SCAPER: variants seen among roughly 807,000 people sequenced by gnomAD.
SCAPER encodes S-phase cyclin A associated protein in the ER.
A neutral mutation model predicts 182.2 loss-of-function variants in SCAPER; 98 were observed. That is an observed-to-expected ratio of 0.54 (90% CI 0.46 to 0.64). The LOEUF (loss-of-function observed/expected upper bound fraction) is 0.64. Ranked by LOEUF, SCAPER falls within the 30% of genes least tolerant of loss-of-function variation. The pLI, the probability that SCAPER is intolerant of heterozygous loss-of-function variation, is 0.00. For synonymous variants in SCAPER, 605 were observed against 564.6 expected (o/e 1.07, Z -1.01); for missense variants, 1,432 against 1,690.0 (o/e 0.85, Z 2.68).
chr15:76,540,798 T>A (rs1486419152), intron 23 of SCAPER, among the ~76,000 whole-genome samples: 5 of 152,142 alleles, frequency 3.3e-5, no homozygotes, highest in African/African-American at 9.6e-5. Context: ...AATTATAGTA[T>A]CCTTATGATA....
intron 25 of SCAPER, among the ~76,000 whole-genome samples, chr15:76,438,873 C>T (rs757144971): frequency 2.6e-5 from 4 of 152,112 alleles, no homozygotes; most frequent in Non-Finnish European, 4.4e-5. Flanking sequence ...TCGCTTGGAA[C>T]CTTCGGTAAA....
chr15:76,521,593 A>C (rs1375579006), intron 23 of SCAPER, among the ~76,000 whole-genome samples: 1 of 152,220 alleles, frequency 6.6e-6, no homozygotes, highest in Non-Finnish European at 1.5e-5. Flanking sequence ...TATCACAATA[A>C]TACATAAATG....
intron 5 of SCAPER, among the ~76,000 whole-genome samples, chr15:76,815,324 G>C (rs2066977999): frequency 6.6e-6 from 1 of 152,162 alleles, no homozygotes; most frequent in Non-Finnish European, 1.5e-5. Flanking sequence ...TTTATTTGCA[G>C]CATTATTCAC....
At chr15:76,532,150 G>A (rs1458638562) in intron 23 of SCAPER, among the ~76,000 whole-genome samples, 14 of 152,148 alleles carry the variant, frequency 9.2e-5, no homozygotes, top group Admixed American at 8.5e-4. Context: ...TAATGAACTT[G>A]AGGCTGAATA....
At chr15:76,620,854 G>C (rs1027212964) in intron 22 of SCAPER, among the ~76,000 whole-genome samples, 1 of 152,098 alleles carries the variant, frequency 6.6e-6, no homozygotes, top group Non-Finnish European at 1.5e-5. Context: ...GGCCTGTCGA[G>C]GGGGGACAAG....
intron 15 of SCAPER, among the ~76,000 whole-genome samples, chr15:76,737,539 G>A (rs1055894347): frequency 2.6e-5 from 4 of 152,208 alleles, no homozygotes; most frequent in Non-Finnish European, 4.4e-5. Context: ...TTTCACAATG[G>A]TTAAGGAGCA....
chr15:76,753,988 T>C (rs143096220), intron 14 of SCAPER, 40 bp from the exon 15 acceptor site: 21 of 1,589,600 alleles, frequency 1.3e-5, no homozygotes, highest in Admixed American at 1.0e-4. Flanking sequence ...TTTCAATATA[T>C]ACAATCATTT....
intron 8 of SCAPER, 39 bp from the exon 9 acceptor site, chr15:76,775,156 A>C (rs181673591): frequency 6.6e-7 from 1 of 1,521,460 alleles, no homozygotes; most frequent in East Asian, 2.3e-5. Flanking sequence ...AGATTTATTT[A>C]GATGATAAAA....
chr15:76,473,326 A>G (rs12914005), intron 24 of SCAPER, among the ~76,000 whole-genome samples: 64,790 of 152,108 alleles, frequency 0.43, 16,527 homozygotes, highest in Middle Eastern at 0.58. Flanking sequence ...AAATACCCTG[A>G]TTGTTTATGG....
chr15:76,519,283 T>A (rs2042667107), intron 23 of SCAPER, among the ~76,000 whole-genome samples: 1 of 152,122 alleles, frequency 6.6e-6, no homozygotes, highest in Non-Finnish European at 1.5e-5. Flanking sequence ...AGGCAAGTGA[T>A]CATATAGAAA....
At position 76,533,577 on chromosome 15, in the gene SCAPER, A is replaced by G. The variant is rs114578966; in HGVS notation, c.2839-28603T>C. 1.4e-3 allele frequency among the ~76,000 whole-genome samples: 206 copies of G among 152,138 alleles called. 1 individual carries two copies. Among genetic ancestry groups the G allele is most frequent in the African/African-American group, 4.4e-3 (184 of 41,426 alleles). On this transcript the variant is annotated intron_variant, in intron 23 of 31. Coordinates refer to ENST00000563290, the MANE Select transcript of SCAPER (RefSeq NM_020843.4). ...GTTTGCACAACGATGACGCTGCCTA[A>G]GGACACATTTCTCAGAATGTCTCCC...
intron 24 of SCAPER, chr15:76,498,363 A>G (rs1215684687): frequency 6.6e-6 from 1 of 152,182 alleles, no homozygotes; most frequent in East Asian, 1.9e-4. Flanking sequence ...GCACAGTGAG[A>G]TATCTTCTTT....
intron 24 of SCAPER, among the ~76,000 whole-genome samples, chr15:76,502,285 C>G (rs1328269762): frequency 6.6e-6 from 1 of 152,066 alleles, no homozygotes; most frequent in Non-Finnish European, 1.5e-5. Flanking sequence ...GTTCTAGATC[C>G]TTGAGGAATC....
At chr15:76,778,916 C>T (rs1342992508) in intron 8 of SCAPER, among the ~76,000 whole-genome samples, 1 of 151,712 alleles carries the variant, frequency 6.6e-6, no homozygotes, top group Non-Finnish European at 1.5e-5. Context: ...AAAAGATATG[C>T]CATGCAAACA....
chr15:76,552,135 G>A (rs534684143), intron 23 of SCAPER, among the ~76,000 whole-genome samples: 48 of 152,068 alleles, frequency 3.2e-4, no homozygotes, highest in African/African-American at 1.0e-3. Flanking sequence ...ATTTAAAAAC[G>A]AGCCAAGCAT....
chr15:76,433,561 C>T (rs2047002739), intron 26 of SCAPER, among the ~76,000 whole-genome samples: 1 of 152,088 alleles, frequency 6.6e-6, no homozygotes, highest in African/African-American at 2.4e-5. Context: ...ACCTATATTG[C>T]TACTTAATAT....
At chr15:76,689,562 G>C (rs914887029) in intron 20 of SCAPER, among the ~76,000 whole-genome samples, 1 of 151,970 alleles carries the variant, frequency 6.6e-6, no homozygotes, top group Non-Finnish European at 1.5e-5. Flanking sequence ...AGAAGAAACT[G>C]ATATGGTAGA....
chr15:76,692,696 G>GAAAAA (rs71143354), intron 20 of SCAPER, among the ~76,000 whole-genome samples: 2 of 98,788 alleles, frequency 2.0e-5, no homozygotes, highest in African/African-American at 7.7e-5. Context: ...TTCAAAAAAA[G>GAAAAA]AAAAAAAAAA....
Position 76,795,265 on chromosome 15 carries a change from T to A in SCAPER, c.772+15A>T, listed in dbSNP as rs1171892549. The A allele has an allele frequency of 1.2e-6, 2 of 1,602,174 alleles. No homozygotes were observed. Among genetic ancestry groups the A allele is most frequent in the East Asian group, 4.5e-5 (2 of 44,396 alleles). On this transcript the variant is annotated intron_variant, in intron 8 of 31. Coordinates refer to ENST00000563290, the MANE Select transcript of SCAPER (RefSeq NM_020843.4). The stretch of plus-strand genomic sequence containing the variant: ...CCTGTTTACTACACAAAATGGCTAA[T>A]TCGAAGTCACTTGCCATTTTTGCGT...
Sources: allele counts gnomAD v4.1 joint callset (sites outside exome capture counted in the v4.1 genomes callset), GRCh38; gene constraint gnomAD v4.1.1; transcripts MANE v1.5; gene names NCBI Gene and HGNC (gene_info 2026-07-23, HGNC 2026-07-21).